Variants in PPP1R12A observed in about 807,000 individuals in gnomAD.
The protein encoded by PPP1R12A is protein phosphatase 1 regulatory subunit 12A.
Under a neutral mutation model 139.6 loss-of-function variants are expected in PPP1R12A, and 19 were observed. The observed-to-expected ratio is 0.14, with a 90% CI of 0.09 to 0.20. PPP1R12A has a LOEUF of 0.20. Ranked by LOEUF, PPP1R12A falls within the 10% of genes least tolerant of loss-of-function variation. The pLI is 1.00. For synonymous variants in PPP1R12A, 427 were observed against 420.6 expected (o/e 1.02, Z -0.19); for missense variants, 925 against 1,211.5 (o/e 0.76, Z 3.51).
rs769309533 is a variant in PPP1R12A at position 79,805,581 on chromosome 12, C to A, written c.2000+11G>T. 2 of 1,612,828 alleles carry A rather than the reference C, an allele frequency of 1.2e-6. No homozygotes were observed. The highest frequency in any genetic ancestry group is 2.7e-5 in the African/African-American group (2 of 74,856). ...AGATATATCAGCAGTACTGTTATGA[C>A]CTTTACACACCTGCGTCTCTCCCTG... On this transcript the variant is annotated intron_variant, in intron 14 of 24. Coordinates refer to ENST00000450142, the MANE Select transcript of PPP1R12A (RefSeq NM_002480.3).
chr12:79,930,590 T>C (rs544345435), intron 1 of PPP1R12A, among the ~76,000 whole-genome samples: 4 of 152,122 alleles, frequency 2.6e-5, no homozygotes, highest in Non-Finnish European at 5.9e-5. Context: ...CTGATCAACA[T>C]AGAGAAACCG....
intron 20 of PPP1R12A, chr12:79,789,778 CTTTT>C (rs5799442): frequency 8.6e-4 from 271 of 314,568 alleles, no homozygotes; most frequent in Middle Eastern, 1.2e-3. Flanking sequence ...TTAGGTGACA[CTTTT>C]TTTTTTTTTT....
chr12:79,777,506 T>C, intron 24 of PPP1R12A: 1 of 985,326 alleles, frequency 1.0e-6, no homozygotes, highest in Non-Finnish European at 1.2e-6. Context: ...GAAGAAATGA[T>C]GAAACTAAAA....
intron 2 of PPP1R12A, 128 bp downstream of exon 2, chr12:79,872,680 T>C: frequency 9.3e-7 from 1 of 1,077,072 alleles, no homozygotes; most frequent in Non-Finnish European, 1.3e-6. Context: ...TTATTTTCTT[T>C]CTTGGAAAGA....
At chr12:79,867,039 A>G (rs1225368703) in intron 2 of PPP1R12A, among the ~76,000 whole-genome samples, 2 of 152,194 alleles carry the variant, frequency 1.3e-5, no homozygotes, top group African/African-American at 4.8e-5. Context: ...TTGCAGCACT[A>G]TTCACAATAG....
At chr12:79,850,172 T>G (rs1879878259) in intron 2 of PPP1R12A, among the ~76,000 whole-genome samples, 1 of 152,170 alleles carries the variant, frequency 6.6e-6, no homozygotes, top group Non-Finnish European at 1.5e-5. Context: ...TAATTGAGAT[T>G]TATAATACTC....
At chr12:79,930,692 A>G (rs1399876035) in intron 1 of PPP1R12A, among the ~76,000 whole-genome samples, 1 of 152,170 alleles carries the variant, frequency 6.6e-6, no homozygotes, top group Non-Finnish European at 1.5e-5. Context: ...GAATCGCTCG[A>G]ATCCGGGAGG....
At chr12:79,852,880 T>C (rs1445738806) in intron 2 of PPP1R12A, among the ~76,000 whole-genome samples, 2 of 152,188 alleles carry the variant, frequency 1.3e-5, no homozygotes, top group Non-Finnish European at 2.9e-5. Context: ...CATTCTCCAA[T>C]AGGACTCCTC....
chr12:79,812,382 C>CTGTGTGCGTGTGTG (rs370114772), intron 9 of PPP1R12A, among the ~76,000 whole-genome samples: 11,573 of 112,392 alleles, frequency 0.1, 790 homozygotes, highest in Non-Finnish European at 0.13. Flanking sequence ...TTGACTGACT[C>CTGTGTGCGTGTGTG]TGTGTGTGCG....
chr12:79,859,557 T>C (rs1209807850), intron 2 of PPP1R12A, among the ~76,000 whole-genome samples: 1 of 152,086 alleles, frequency 6.6e-6, no homozygotes, highest in Non-Finnish European at 1.5e-5. Flanking sequence ...TATCCTTAAA[T>C]AGCTAATTCT....
At position 79,822,173 on chromosome 12, in the gene PPP1R12A, A is replaced by G. The variant is rs1363687488; in HGVS notation, c.810T>C (p.Asp270=). 6.3e-7 allele frequency: 1 copy of G among 1,591,128 alleles called. No homozygotes were observed. Among genetic ancestry groups the G allele is most frequent in the East Asian group, 2.3e-5 (1 of 44,280 alleles). Residue 270 remains aspartate (D), a synonymous_variant, in exon 6 of 25, where the codon GAT becomes GAC. Transcript: ENST00000450142. The part of the protein sequence containing the change: ...MVNKVGQTAF[D]VADEDILGYL... The stretch of plus-strand genomic sequence containing the variant: ...ATCCTAAAATGTCTTCATCTGCTAC[A>G]TCAAAGGCTGTTTGGCCCTACGTAG...
chr12:79,876,603 A>G (rs1434412826), intron 1 of PPP1R12A, among the ~76,000 whole-genome samples: 1 of 152,212 alleles, frequency 6.6e-6, no homozygotes, highest in Non-Finnish European at 1.5e-5. Context: ...CTGCAACAGG[A>G]TATCACGCAT....
chr12:79,898,204 C>T (rs780490829), intron 1 of PPP1R12A, among the ~76,000 whole-genome samples: 53 of 152,224 alleles, frequency 3.5e-4, no homozygotes, highest in Non-Finnish European at 7.1e-4. Context: ...AATCCTGGCA[C>T]TTTGGGAGGC....
intron 1 of PPP1R12A, among the ~76,000 whole-genome samples, chr12:79,875,846 C>T (rs1470341107): frequency 6.6e-6 from 1 of 152,122 alleles, no homozygotes; most frequent in Admixed American, 6.5e-5. Flanking sequence ...GAGGCTTAAA[C>T]ACCAAGACAG....
chr12:79,872,652 TG>T (rs1318983664), intron 2 of PPP1R12A, among the ~76,000 whole-genome samples, 155 bp downstream of exon 2: 20 of 152,182 alleles, frequency 1.3e-4, no homozygotes, highest in African/African-American at 4.8e-4. Flanking sequence ...TGAGAATATA[TG>T]GATTCCCAAT....
At chr12:79,928,300 G>A (rs1887997669) in intron 1 of PPP1R12A, among the ~76,000 whole-genome samples, 1 of 152,172 alleles carries the variant, frequency 6.6e-6, no homozygotes, top group African/African-American at 2.4e-5. Flanking sequence ...AGTGTTGCCA[G>A]GAAGCACAGA....
At chr12:79,801,193 A>T (rs1365616138) in intron 14 of PPP1R12A, among the ~76,000 whole-genome samples, 2 of 151,106 alleles carry the variant, frequency 1.3e-5, no homozygotes, top group Admixed American at 1.3e-4. Flanking sequence ...TAAAAATACA[A>T]AATTAGCCGG....
rs1379700949 is a variant in PPP1R12A at position 79,820,897 on chromosome 12, C to G, written c.991G>C (p.Ala331Pro). 1 of 1,613,534 alleles carries G rather than the reference C, an allele frequency of 6.2e-7. No individual in the cohort carries two copies. ...TGTTCCAGAGATTCAATACGGGATG[C>G]ATTTTTCTCTGGTTCAATAATCAAC... ...ETLIIEPEKNASRIESLEQEK... is the reference protein window; with the variant it reads ...ETLIIEPEKNPSRIESLEQEK... Residue 331 changes from alanine (A) to proline (P), a missense_variant, in exon 8 of 25, where the codon GCA becomes CCA. Physicochemically the swap from Ala to Pro is conservative, Grantham distance 27. Coordinates refer to ENST00000450142, the MANE Select transcript of PPP1R12A (RefSeq NM_002480.3).
chr12:79,855,703 C>CA lies in PPP1R12A; in HGVS notation c.369-10284dup, dbSNP rs369569087. Among the ~76,000 whole-genome samples, 900 of 141,884 alleles carry CA rather than the reference C, an allele frequency of 6.3e-3. 10 individuals are homozygous for CA. The highest frequency in any genetic ancestry group is 0.02 in the African/African-American group (765 of 38,834). The allele number at this position is 141,884 out of a possible 152,430, so 93.1% of individuals were successfully genotyped here. On this transcript the variant is annotated intron_variant, in intron 2 of 24. Coordinates refer to ENST00000450142, the MANE Select transcript of PPP1R12A (RefSeq NM_002480.3). Reference sequence around the variant, plus strand: ...ATAACCAAACACAAAATTATTTCTGCAAAAAAAAAACAAACCACACATTTA... The same window carrying CA: ...ATAACCAAACACAAAATTATTTCTGCAAAAAAAAAAACAAACCACACATTTA...
Sources: gnomAD v4.1 joint callset for allele counts (sites outside exome capture counted in the v4.1 genomes callset) on GRCh38, gnomAD v4.1.1 for gene constraint, MANE v1.5 for transcripts, NCBI Gene and HGNC (gene_info 2026-07-23, HGNC 2026-07-21) for gene names.